CRACD: variants seen among roughly 807,000 people sequenced by gnomAD.
CRACD encodes capping protein-inhibiting regulator of actin dynamics.
In CRACD, 56 loss-of-function variants were observed where a neutral mutation model predicts 106.8. The observed-to-expected ratio is 0.52, with a 90% CI of 0.42 to 0.66. The LOEUF (loss-of-function observed/expected upper bound fraction) is 0.66. Among genes scored for constraint, CRACD ranks in the 30% least tolerant of loss-of-function variants. The pLI is 0.00. For missense variants in CRACD, 1,730 were observed against 1,623.2 expected, an observed-to-expected ratio of 1.07 and a Z score of -1.13; for synonymous variants, 754 against 670.8, an observed-to-expected ratio of 1.12 and a Z score of -1.92.
chr4:56,105,618 G>A (rs888796554), intron 1 of CRACD, among the ~76,000 whole-genome samples: 1 of 152,192 alleles, frequency 6.6e-6, no homozygotes, highest in Non-Finnish European at 1.5e-5. Context: ...CCAAGGTTAA[G>A]CGTTGGCTAT....
At chr4:56,303,574 C>G (rs1744493587) in intron 4 of CRACD, among the ~76,000 whole-genome samples, 1 of 152,194 alleles carries the variant, frequency 6.6e-6, no homozygotes, top group Non-Finnish European at 1.5e-5. Context: ...CACATGACAC[C>G]TGAGATTGTC....
intron 4 of CRACD, among the ~76,000 whole-genome samples, chr4:56,306,857 C>T (rs967920035): frequency 6.6e-6 from 1 of 152,204 alleles, no homozygotes; most frequent in African/African-American, 2.4e-5. Context: ...GGTTAGGTGG[C>T]CACAGCAAGG....
At chr4:56,231,717 G>GA (rs376716568) in intron 2 of CRACD, among the ~76,000 whole-genome samples, 2 of 152,214 alleles carry the variant, frequency 1.3e-5, no homozygotes, top group Non-Finnish European at 2.9e-5. Context: ...TAAAGTACAG[G>GA]AAAAACCAAG....
chr4:56,187,294 C>A (rs935732434), intron 2 of CRACD, among the ~76,000 whole-genome samples: 4 of 152,068 alleles, frequency 2.6e-5, no homozygotes, highest in Admixed American at 6.5e-5. Flanking sequence ...CCACAGGGAG[C>A]CTGCGGGCCT....
intron 1 of CRACD, among the ~76,000 whole-genome samples, chr4:56,079,759 T>G (rs1425533312): frequency 6.6e-6 from 1 of 152,224 alleles, no homozygotes; most frequent in African/African-American, 2.4e-5. Context: ...TAGTCATTTT[T>G]TCTTTTAATC....
chr4:56,092,422 T>C (rs1733452457), intron 1 of CRACD, among the ~76,000 whole-genome samples: 1 of 152,158 alleles, frequency 6.6e-6, no homozygotes. Flanking sequence ...GAGCACTAAA[T>C]GTGGCTAGTC....
Position 56,298,418 on chromosome 4 carries a change from T to C in CRACD, c.120+69T>C. ...CAGTTATGAAGGGAAGTGGGAAAAG[T>C]CCCGAGCTTGGCCTTGAGTAATGGA... On this transcript the variant is annotated intron_variant, in intron 4 of 10. Transcript: ENST00000682029. The C allele has an allele frequency of 7.6e-6, 12 of 1,585,480 alleles. No homozygotes were observed. The South Asian group carries it at 1.4e-4, about 18-fold the overall frequency.
chr4:56,316,178 G>C lies in CRACD; in HGVS notation c.2676G>C (p.Glu892Asp). ...CTGCAGCGGGGAGCGCTCGTGGAGAGAAAGAGATGGAGGGTGTGGCCCTCA... is the reference window on the plus strand; with the variant it reads ...CTGCAGCGGGGAGCGCTCGTGGAGACAAAGAGATGGAGGGTGTGGCCCTCA... ...GPPAAGSARG[E>D]KEMEGVALKH... The change falls in exon 8 of 11, where the codon GAG (glutamate) becomes GAC (aspartate). Residue 892 changes from glutamate (E) to aspartate (D), a missense_variant. Coordinates refer to ENST00000682029, the MANE Select transcript of CRACD (RefSeq NM_001393381.1). The C allele has an allele frequency of 1.2e-6, 2 of 1,614,214 alleles. No individual in the cohort carries two copies. Among genetic ancestry groups the C allele is most frequent in the Non-Finnish European group, 1.7e-6 (2 of 1,180,032 alleles).
rs540930263 is a variant in CRACD, at chr4:56,166,192, C to T, written c.-335-13092C>T. On this transcript the variant is annotated intron_variant, in intron 1 of 10. Transcript: ENST00000682029. ...TTAATATAGTTTGGAAGGCAGTTTG[C>T]ATTCTGAGCCTTAACCATATTTATT... is the stretch of plus-strand genomic sequence containing the variant. Among the ~76,000 whole-genome samples, 3 of 152,228 alleles carry T rather than the reference C, an allele frequency of 2.0e-5. No individual in the cohort carries two copies. The East Asian group carries it at 5.8e-4, about 29-fold the overall frequency.
intron 2 of CRACD, among the ~76,000 whole-genome samples, chr4:56,187,006 C>G (rs1025266103): frequency 6.6e-6 from 1 of 151,590 alleles, no homozygotes; most frequent in Non-Finnish European, 1.5e-5. Context: ...AGGGTTGAGC[C>G]TGCAGTGAGC....
intron 1 of CRACD, among the ~76,000 whole-genome samples, chr4:56,130,338 A>G (rs1490719825): frequency 5.3e-5 from 8 of 152,206 alleles, no homozygotes; most frequent in Non-Finnish European, 1.2e-4. Flanking sequence ...ACTAACGATA[A>G]CAATTAATGT....
At chr4:56,094,935 C>T (rs1247468752) in intron 1 of CRACD, among the ~76,000 whole-genome samples, 3 of 152,186 alleles carry the variant, frequency 2.0e-5, no homozygotes, top group African/African-American at 7.2e-5. Context: ...ATATTTACTT[C>T]AGCTATTTCA....
chr4:56,133,846 TG>T (rs983539291), intron 1 of CRACD, among the ~76,000 whole-genome samples: 2 of 152,152 alleles, frequency 1.3e-5, no homozygotes, highest in African/African-American at 4.8e-5. Context: ...AAAAATACTT[TG>T]GGGCAAAGAC....
chr4:56,299,987 A>C (rs2109726633), intron 4 of CRACD, among the ~76,000 whole-genome samples: 1 of 151,902 alleles, frequency 6.6e-6, no homozygotes. Context: ...AAATACAAAA[A>C]ATTAGCTGGG....
intron 2 of CRACD, among the ~76,000 whole-genome samples, chr4:56,231,111 C>G (rs1739593228): frequency 2.0e-5 from 3 of 152,136 alleles, no homozygotes; most frequent in South Asian, 2.1e-4. Flanking sequence ...AAGAGAATCA[C>G]TCTTACACTT....
Position 56,316,106 on chromosome 4 carries a change from G to C in CRACD, c.2604G>C (p.Lys868Asn). ...FNCDQQAEQK[K>N]KKRHSSTGDS... is the part of the protein sequence containing the mutation. ...GCGACCAACAGGCAGAACAGAAGAA[G>C]AAGAAGAGGCACAGCAGCACCGGAG... The change falls in exon 8 of 11, where the codon AAG (lysine) becomes AAC (asparagine). Residue 868 changes from lysine (K) to asparagine (N), a missense_variant. Lys to Asn is a moderately conservative substitution (Grantham distance 94). Transcript: ENST00000682029. 1.9e-6 allele frequency: 3 copies of C among 1,614,198 alleles called. No homozygotes were observed. Among genetic ancestry groups the C allele is most frequent in the Non-Finnish European group, 2.5e-6 (3 of 1,180,046 alleles).
intron 1 of CRACD, among the ~76,000 whole-genome samples, chr4:56,105,639 GT>G (rs1254893603): frequency 1.3e-5 from 2 of 152,188 alleles, no homozygotes; most frequent in Non-Finnish European, 2.9e-5. Context: ...TATTATTTAT[GT>G]TGTTATTATT....
At chr4:56,144,202 G>A (rs9997664) in intron 1 of CRACD, among the ~76,000 whole-genome samples, 6 of 152,102 alleles carry the variant, frequency 3.9e-5, no homozygotes, top group Non-Finnish European at 7.3e-5. Flanking sequence ...AGTGGAGAAG[G>A]GGGGAGAGTT....
intron 10 of CRACD, among the ~76,000 whole-genome samples, chr4:56,325,972 C>T (rs949313985): frequency 1.3e-5 from 2 of 152,162 alleles, no homozygotes; most frequent in African/African-American, 4.8e-5. Flanking sequence ...AGTGCGATGG[C>T]GCCATCTCGG....
Sources: allele counts gnomAD v4.1 joint callset (sites outside exome capture counted in the v4.1 genomes callset), GRCh38; gene constraint gnomAD v4.1.1; transcripts MANE v1.5; gene names NCBI Gene and HGNC (gene_info 2026-07-23, HGNC 2026-07-21).